FOXP2: variants seen among roughly 807,000 people sequenced by gnomAD.
The protein encoded by FOXP2 is forkhead box P2.
Under a neutral mutation model 115.8 loss-of-function variants are expected in FOXP2, and 12 were observed. That is an observed-to-expected ratio of 0.10 (90% CI 0.07 to 0.17). The LOEUF is 0.17. FOXP2 is among the 10% of genes least tolerant of loss of function. The pLI is 1.00. For synonymous variants in FOXP2, 328 were observed against 297.7 expected, an observed-to-expected ratio of 1.10 and a Z score of -1.05; for missense variants, 629 against 843.5, an observed-to-expected ratio of 0.75 and a Z score of 3.15.
At chr7:114,189,096 C>T (rs1793689379) in intron 1 of FOXP2, among the ~76,000 whole-genome samples, 1 of 152,112 alleles carries the variant, frequency 6.6e-6, no homozygotes, top group Non-Finnish European at 1.5e-5. Flanking sequence ...ATGTGCTTAA[C>T]TTCCTTTCAT....
intron 16 of FOXP2, among the ~76,000 whole-genome samples, chr7:114,677,311 A>G (rs1267870706): frequency 6.6e-6 from 1 of 152,232 alleles, no homozygotes; most frequent in Admixed American, 6.5e-5. Context: ...TGATGACAGT[A>G]TATAAATATT....
intron 16 of FOXP2, among the ~76,000 whole-genome samples, chr7:114,677,813 T>C (rs1301737495): frequency 6.6e-6 from 1 of 152,242 alleles, no homozygotes; most frequent in Non-Finnish European, 1.5e-5. Flanking sequence ...TACTTTGCAA[T>C]GTTTTCAAGT....
At chr7:114,169,554 G>T (rs1249900596) in intron 1 of FOXP2, among the ~76,000 whole-genome samples, 1 of 152,152 alleles carries the variant, frequency 6.6e-6, no homozygotes, top group African/African-American at 2.4e-5. Flanking sequence ...GATTTTGCAG[G>T]TTCATGGGGG....
chr7:114,227,946 A>G (rs1315888222), intron 1 of FOXP2, among the ~76,000 whole-genome samples: 1 of 152,008 alleles, frequency 6.6e-6, no homozygotes, highest in Non-Finnish European at 1.5e-5. Flanking sequence ...CAGCAAACCA[A>G]TGGTCCTGTG....
intron 1 of FOXP2, among the ~76,000 whole-genome samples, chr7:114,194,427 CT>C (rs762548155): frequency 8.1e-4 from 123 of 152,008 alleles, no homozygotes; most frequent in African/African-American, 2.9e-3. Context: ...ATTACTTCTT[CT>C]TAACATTGTG....
chr7:114,545,949 T>C (rs1799904132), intron 3 of FOXP2, among the ~76,000 whole-genome samples: 1 of 152,298 alleles, frequency 6.6e-6, no homozygotes, highest in East Asian at 1.9e-4. Flanking sequence ...TGTTAATGCA[T>C]CTATTCTTAT....
chr7:114,182,278 C>A (rs1284033430), intron 1 of FOXP2, among the ~76,000 whole-genome samples: 15 of 151,620 alleles, frequency 9.9e-5, no homozygotes, highest in African/African-American at 3.1e-4. Context: ...TAATTTGAAG[C>A]ATTAATATAC....
chr7:114,640,662 C>T (rs968905208), intron 6 of FOXP2, among the ~76,000 whole-genome samples: 8 of 152,236 alleles, frequency 5.3e-5, no homozygotes, highest in East Asian at 1.9e-4. Context: ...CCCCATCTCC[C>T]GTGACTATTC....
At chr7:114,385,856 A>T (rs1464644999) in intron 2 of FOXP2, among the ~76,000 whole-genome samples, 1 of 152,070 alleles carries the variant, frequency 6.6e-6, no homozygotes, top group Non-Finnish European at 1.5e-5. Flanking sequence ...CGCTTCCAAG[A>T]TGGTGGCAAG....
intron 2 of FOXP2, among the ~76,000 whole-genome samples, chr7:114,380,149 G>T (rs1484764190): frequency 1.3e-5 from 2 of 152,142 alleles, no homozygotes; most frequent in African/African-American, 4.8e-5. Flanking sequence ...CCCCGGCAGT[G>T]TAAGACTGCC....
intron 2 of FOXP2, among the ~76,000 whole-genome samples, chr7:114,390,125 A>G (rs1792555699): frequency 6.6e-6 from 1 of 152,116 alleles, no homozygotes; most frequent in South Asian, 2.1e-4. Flanking sequence ...TAATTTCAAG[A>G]TACATATGAA....
At chr7:114,091,948 A>C (rs920548557) in intron 1 of FOXP2, among the ~76,000 whole-genome samples, 4 of 151,854 alleles carry the variant, frequency 2.6e-5, no homozygotes, top group Admixed American at 6.6e-5. Flanking sequence ...CTCTCTTCCT[A>C]CTATCTGCCA....
chr7:114,690,601 A>G lies in FOXP2; in HGVS notation c.*675A>G. On this transcript the variant is annotated 3_prime_UTR_variant, in exon 17 of 17. Coordinates refer to ENST00000350908, the MANE Select transcript of FOXP2 (RefSeq NM_014491.4). ...TCCAGTCTGTGCTGTTAGTGTTAAG[A>G]TGTAAAGTGCAATCCTAAGCTAACA... The G allele has an allele frequency of 2.2e-6, 1 of 454,130 alleles. No homozygotes were observed. Among genetic ancestry groups the G allele is most frequent in the Non-Finnish European group, 4.4e-6 (1 of 226,788 alleles). The allele number at this position is 454,130 out of a possible 1,614,324, so 28.1% of individuals were successfully genotyped here.
chr7:114,321,175 C>CTTTATTTA (rs60714472), intron 2 of FOXP2, among the ~76,000 whole-genome samples: 29,050 of 140,664 alleles, frequency 0.21, 3,368 homozygotes, highest in African/African-American at 0.27. Flanking sequence ...TATCTAGTAA[C>CTTTATTTA]TTTATTTATT....
intron 3 of FOXP2, among the ~76,000 whole-genome samples, chr7:114,568,902 A>G (rs1388392812): frequency 1.3e-5 from 2 of 151,938 alleles, no homozygotes; most frequent in African/African-American, 2.4e-5. Context: ...TGGGATGACA[A>G]AACTCCAGGA....
At chr7:114,292,529 C>T (rs961341675) in intron 2 of FOXP2, among the ~76,000 whole-genome samples, 1 of 152,170 alleles carries the variant, frequency 6.6e-6, no homozygotes, top group South Asian at 2.1e-4. Context: ...CCTTTAACTA[C>T]ATGTTTTACG....
intron 1 of FOXP2, among the ~76,000 whole-genome samples, chr7:114,255,627 T>C (rs1457083949): frequency 6.6e-6 from 1 of 152,172 alleles, no homozygotes; most frequent in African/African-American, 2.4e-5. Context: ...GTGGCGTTTG[T>C]TAAGACCATT....
At chr7:114,237,422 A>G (rs1458457412) in intron 1 of FOXP2, among the ~76,000 whole-genome samples, 1 of 152,210 alleles carries the variant, frequency 6.6e-6, no homozygotes, top group Non-Finnish European at 1.5e-5. Context: ...CACATTTGGG[A>G]CAATCGAAAT....
chr7:114,426,558 A>T lies in FOXP2; in HGVS notation c.47A>T (p.Asn16Ile). ...ATETISNSSM[N>I]QNGMSTLSSQ... ...GAGACAATAAGCAACAGTTCAATGA[A>T]TCAAAATGGAATGAGCACTCTAAGC... Residue 16 changes from asparagine (N) to isoleucine (I), a missense_variant, in exon 2 of 17, where the codon AAT (asparagine) becomes ATT (isoleucine). Coordinates refer to ENST00000350908, the MANE Select transcript of FOXP2 (RefSeq NM_014491.4). 1 of 1,611,530 alleles carries T rather than the reference A, an allele frequency of 6.2e-7. No individual in the cohort carries two copies. The highest frequency in any genetic ancestry group is 8.5e-7 in the Non-Finnish European group (1 of 1,178,304).
Sources: allele counts gnomAD v4.1 joint callset (sites outside exome capture counted in the v4.1 genomes callset), GRCh38; gene constraint gnomAD v4.1.1; transcripts MANE v1.5; gene names NCBI Gene and HGNC (gene_info 2026-07-23, HGNC 2026-07-21).